Variants in TRIM24 observed in about 807,000 individuals in gnomAD.
TRIM24 encodes the protein tripartite motif containing 24, also known as transcription intermediary factor 1-alpha.
TRIM24 carries 29 observed loss-of-function variants against 123.9 expected under a neutral mutation model. The ratio of observed to expected loss-of-function variants is 0.23; its 90% CI spans 0.17 to 0.32. TRIM24 has a LOEUF of 0.32. Among genes scored for constraint, TRIM24 ranks in the 10% least tolerant of loss-of-function variants. The probability of loss-of-function intolerance (pLI) is 1.00; values close to 1 mark genes in which losing one functional copy is unlikely to be tolerated. For synonymous variants in TRIM24, 456 were observed against 461.1 expected, an observed-to-expected ratio of 0.99 and a Z score of 0.14; for missense variants, 932 against 1,295.3, an observed-to-expected ratio of 0.72 and a Z score of 4.31.
At chr7:138,552,884 T>C (rs1797240488) in intron 8 of TRIM24, among the ~76,000 whole-genome samples, 1 of 152,234 alleles carries the variant, frequency 6.6e-6, no homozygotes, top group Non-Finnish European at 1.5e-5. Context: ...TTGCCACACC[T>C]GACTCTACCA....
At chr7:138,569,900 C>A (rs1031880031) in intron 10 of TRIM24, among the ~76,000 whole-genome samples, 1 of 151,642 alleles carries the variant, frequency 6.6e-6, no homozygotes, top group Non-Finnish European at 1.5e-5. Flanking sequence ...GTTCTACTTG[C>A]CTTATTACAT....
chr7:138,500,583 A>T (rs987565442), intron 1 of TRIM24, among the ~76,000 whole-genome samples: 16 of 151,140 alleles, frequency 1.1e-4, no homozygotes, highest in Non-Finnish European at 1.0e-4. Flanking sequence ...AAAAAAAAAA[A>T]AGGAATAAGG....
At position 138,586,059 on chromosome 7, in the gene TRIM24, A is replaced by G. The variant is rs10281429; in HGVS notation, c.*1108A>G. ...TTTCTTTTGAGAGTCAGAACATCAA[A>G]CTTAATCTTTGATCTGACTTCTGAT... On this transcript the variant is annotated 3_prime_UTR_variant, in exon 19 of 19. Transcript: ENST00000343526. 7.7e-3 allele frequency: 3,258 copies of G among 421,836 alleles called. 79 individuals are homozygous for G. Among genetic ancestry groups the G allele is most frequent in the African/African-American group, 0.06 (2,911 of 48,656 alleles). The allele number at this position is 421,836 out of a possible 1,614,324, so 26.1% of individuals were successfully genotyped here.
chr7:138,490,984 T>C (rs910124153), intron 1 of TRIM24: 1 of 280,774 alleles, frequency 3.6e-6, no homozygotes, highest in South Asian at 3.5e-5. Context: ...TCATAAGTAG[T>C]AGTCTTGATG....
At chr7:138,508,684 T>TGC (rs747170764) in intron 2 of TRIM24, among the ~76,000 whole-genome samples, 68 of 53,498 alleles carry the variant, frequency 1.3e-3, no homozygotes, top group East Asian at 4.3e-3. Flanking sequence ...TGTGTGTGTG[T>TGC]GTGTGTGTGC....
In TRIM24 at chr7:138,540,047, G is replaced by A. The variant is rs762104661; in HGVS notation, c.1143+1244G>A. Among the ~76,000 whole-genome samples the A allele has an allele frequency of 6.6e-5, 10 of 152,190 alleles. No homozygotes were observed. In the East Asian group the frequency reaches 1.9e-3, roughly 29 times the overall value. ...GATCTCCTGAGCTTGTGATCCACCCGCCTTCGCCTCCCAAAGTTCTGGGAT... is the reference window on the plus strand; with the variant it reads ...GATCTCCTGAGCTTGTGATCCACCCACCTTCGCCTCCCAAAGTTCTGGGAT... On this transcript the variant is annotated intron_variant, in intron 7 of 18. Coordinates refer to ENST00000343526, the MANE Select transcript of TRIM24 (RefSeq NM_015905.3).
intron 9 of TRIM24, among the ~76,000 whole-genome samples, chr7:138,565,461 C>A (rs907570104): frequency 2.6e-5 from 4 of 152,158 alleles, no homozygotes; most frequent in Non-Finnish European, 5.9e-5. Context: ...CAGGTAGGGT[C>A]AAGGGAGAGC....
At chr7:138,496,759 G>T (rs889956784) in intron 1 of TRIM24, among the ~76,000 whole-genome samples, 2 of 151,372 alleles carry the variant, frequency 1.3e-5, no homozygotes, top group African/African-American at 2.4e-5. Context: ...CCTCAGCCTC[G>T]CAAAGCACTG....
intron 1 of TRIM24, among the ~76,000 whole-genome samples, chr7:138,483,035 A>G (rs1213181157): frequency 1.3e-5 from 2 of 151,872 alleles, no homozygotes; most frequent in Non-Finnish European, 2.9e-5. Flanking sequence ...TTCCCACCTC[A>G]TCCTCTCGAG....
At chr7:138,564,633 A>G (rs1412504551) in intron 9 of TRIM24, among the ~76,000 whole-genome samples, 2 of 152,208 alleles carry the variant, frequency 1.3e-5, no homozygotes, top group African/African-American at 4.8e-5. Flanking sequence ...ACATTTAGCC[A>G]TGAGTCAATA....
At chr7:138,569,564 A>T (rs1234364524) in intron 10 of TRIM24, among the ~76,000 whole-genome samples, 2 of 152,190 alleles carry the variant, frequency 1.3e-5, no homozygotes, top group African/African-American at 4.8e-5. Flanking sequence ...ATAGAAAAAA[A>T]CCTGAAACGA....
At chr7:138,555,048 A>AT in intron 9 of TRIM24, 82 bp downstream of exon 9, 1 of 1,380,048 alleles carries the variant, frequency 7.2e-7, no homozygotes, top group East Asian at 2.3e-5. Flanking sequence ...AAAGACATCC[A>AT]TTTTCCATAC....
intron 1 of TRIM24, among the ~76,000 whole-genome samples, chr7:138,476,350 T>G (rs1357456269): frequency 6.6e-6 from 1 of 151,994 alleles, no homozygotes; most frequent in Non-Finnish European, 1.5e-5. Flanking sequence ...ATCCCAGCAC[T>G]TTGGGAGGCC....
chr7:138,460,528 G>C lies in TRIM24; in HGVS notation c.-21G>C, dbSNP rs1302846492. The C allele has an allele frequency of 9.5e-6, 12 of 1,262,448 alleles. No homozygotes were observed. Among genetic ancestry groups the C allele is most frequent in the Middle Eastern group, 6.0e-4 (2 of 3,348 alleles). The allele number at this position is 1,262,448 out of a possible 1,614,324, so 78.2% of individuals were successfully genotyped here. A position where few individuals can be genotyped will look rare whatever the true frequency, so the allele number is the denominator to read the frequency against. On this transcript the variant is annotated 5_prime_UTR_variant, in exon 1 of 19. Coordinates refer to ENST00000343526, the MANE Select transcript of TRIM24 (RefSeq NM_015905.3). ...GCGGAGACCGCGCTCTCGCTTCCCC[G>C]GCGGCGGCAAGGGCAGGACAATGGA... is the stretch of plus-strand genomic sequence containing the variant.
intron 1 of TRIM24, chr7:138,491,365 G>A (rs112845801): frequency 6.6e-4 from 109 of 166,348 alleles, no homozygotes; most frequent in Middle Eastern, 3.0e-3. Flanking sequence ...AACTGCTATC[G>A]TGCTGCTCCT....
rs1464848812 is a variant in TRIM24, at chr7:138,585,082, G to C, written c.*131G>C. On this transcript the variant is annotated 3_prime_UTR_variant, in exon 19 of 19. Transcript: ENST00000343526. ...TCATCTCTGTTTTGGACGTTTACTAGACTTTGATTTCCTTAATAGCCCATT... is the reference window on the plus strand; with the variant it reads ...TCATCTCTGTTTTGGACGTTTACTACACTTTGATTTCCTTAATAGCCCATT... 4.2e-6 allele frequency: 3 copies of C among 715,610 alleles called. No homozygotes were observed. The highest frequency in any genetic ancestry group is 6.5e-6 in the Non-Finnish European group (3 of 463,550). The allele number at this position is 715,610 out of a possible 1,614,324, so 44.3% of individuals were successfully genotyped here. A position where few individuals can be genotyped will look rare whatever the true frequency, so the allele number is the denominator to read the frequency against.
chr7:138,552,238 G>A (rs1797226506), intron 8 of TRIM24, among the ~76,000 whole-genome samples: 2 of 152,072 alleles, frequency 1.3e-5, no homozygotes, highest in African/African-American at 4.8e-5. Flanking sequence ...ACTGATGTTT[G>A]TCTAAAGATA....
chr7:138,576,525 T>G (rs942491815), intron 13 of TRIM24, 80 bp downstream of exon 13: 1 of 1,214,616 alleles, frequency 8.2e-7, no homozygotes, highest in Non-Finnish European at 1.2e-6. Flanking sequence ...CATGTTTTGA[T>G]ACTCAATATA....
At chr7:138,558,113 A>C (rs1380293017) in intron 9 of TRIM24, among the ~76,000 whole-genome samples, 1 of 152,166 alleles carries the variant, frequency 6.6e-6, no homozygotes, top group Non-Finnish European at 1.5e-5. Context: ...GCAGCTGCCC[A>C]TATGCCCATG....
Sources: gnomAD v4.1 joint callset for allele counts (sites outside exome capture counted in the v4.1 genomes callset) on GRCh38, gnomAD v4.1.1 for gene constraint, MANE v1.5 for transcripts, NCBI Gene and HGNC (gene_info 2026-07-23, HGNC 2026-07-21) for gene names.